LINGO2: variants seen among roughly 807,000 people sequenced by gnomAD.
The protein encoded by LINGO2 is leucine-rich repeat and immunoglobulin-like domain-containing nogo receptor-interacting protein 2.
LINGO2 carries 14 observed loss-of-function variants against 30.6 expected under a neutral mutation model. The ratio of observed to expected loss-of-function variants is 0.46; its 90% CI spans 0.30 to 0.72. LINGO2 has a LOEUF of 0.72. Among genes scored for constraint, LINGO2 ranks in the 30% least tolerant of loss-of-function variants. The probability of loss-of-function intolerance (pLI) is 0.07; values close to 1 mark genes in which losing one functional copy is unlikely to be tolerated. For missense variants in LINGO2, 729 were observed against 751.7 expected (o/e 0.97, Z 0.35); for synonymous variants, 317 against 288.5 (o/e 1.10, Z -1.00).
chr9:28,327,180 G>A (rs1002943218), intron 3 of LINGO2, among the ~76,000 whole-genome samples: 3 of 152,086 alleles, frequency 2.0e-5, no homozygotes, highest in African/African-American at 4.8e-5. Context: ...CACTCATTCT[G>A]CTGCTGCCTT....
intron 4 of LINGO2, among the ~76,000 whole-genome samples, chr9:28,264,593 T>C (rs1356115426): frequency 1.3e-5 from 2 of 151,878 alleles, no homozygotes; most frequent in Non-Finnish European, 2.9e-5. Context: ...CCGAATCATC[T>C]CACACTGAAG....
intron 4 of LINGO2, among the ~76,000 whole-genome samples, chr9:28,259,506 C>A (rs1439999692): frequency 1.3e-5 from 2 of 151,328 alleles, no homozygotes; most frequent in African/African-American, 4.9e-5. Flanking sequence ...GTGAGCCATA[C>A]AAGGTCTATG....
intron 4 of LINGO2, among the ~76,000 whole-genome samples, chr9:28,156,544 C>T (rs1182901933): frequency 6.6e-6 from 1 of 152,158 alleles, no homozygotes; most frequent in Non-Finnish European, 1.5e-5. Flanking sequence ...TCTCTAAAAT[C>T]TCAGGTAGAT....
At chr9:28,837,649 A>AATAT in the LINGO2 span, among the ~76,000 whole-genome samples, 693 of 75,776 alleles carry the variant, frequency 9.1e-3, 96 homozygotes, top group African/African-American at 0.028. Flanking sequence ...CTCCGTCTAA[A>AATAT]ATATATATAT....
At chr9:28,361,173 A>C (rs1206522612) in intron 3 of LINGO2, among the ~76,000 whole-genome samples, 2 of 152,180 alleles carry the variant, frequency 1.3e-5, no homozygotes. Flanking sequence ...TGCTGAGGTA[A>C]AGCAGTTCTT....
chr9:28,257,429 G>C (rs140930347), intron 4 of LINGO2, among the ~76,000 whole-genome samples: 1 of 151,966 alleles, frequency 6.6e-6, no homozygotes, highest in Non-Finnish European at 1.5e-5. Flanking sequence ...AGGACTCTTT[G>C]TGATTTAAAA....
intron 4 of LINGO2, among the ~76,000 whole-genome samples, chr9:28,090,861 CAA>C (rs1403986465): frequency 6.6e-6 from 1 of 152,180 alleles, no homozygotes; most frequent in African/African-American, 2.4e-5. Context: ...GCAACTTCAG[CAA>C]AGTCTCAGGA....
Position 28,637,433 on chromosome 9 carries a change from T to A in LINGO2, c.-365+32767A>T, listed in dbSNP as rs772870398. 3.2e-4 allele frequency among the ~76,000 whole-genome samples: 48 copies of A among 152,298 alleles called. 1 individual carries two copies. The highest frequency in any genetic ancestry group is 3.4e-3 in the Middle Eastern group (1 of 294). ...GGGAAGTATGGCCATTTTCATGATATTAATTCTTCCTATCCATGAGCATGG... is the reference window on the plus strand; with the variant it reads ...GGGAAGTATGGCCATTTTCATGATAATAATTCTTCCTATCCATGAGCATGG... On this transcript the variant is annotated intron_variant, in intron 1 of 5. Transcript: ENST00000379992.
intron 1 of LINGO2, among the ~76,000 whole-genome samples, chr9:28,574,089 A>G (rs1265243577): frequency 6.6e-6 from 1 of 152,204 alleles, no homozygotes; most frequent in African/African-American, 2.4e-5. Context: ...CAAATCAGAC[A>G]TCGAAAGAAT....
At chr9:28,415,111 A>G (rs540432300) in intron 2 of LINGO2, among the ~76,000 whole-genome samples, 1 of 152,280 alleles carries the variant, frequency 6.6e-6, no homozygotes, top group South Asian at 2.1e-4. Flanking sequence ...GAATAGAAGG[A>G]CATGCACCAA....
chr9:29,091,828 G>A, the LINGO2 span, among the ~76,000 whole-genome samples: 1 of 151,908 alleles, frequency 6.6e-6, no homozygotes, highest in Non-Finnish European at 1.5e-5. Flanking sequence ...AGTTGTATTA[G>A]GCCCCATAGA....
intron 1 of LINGO2, among the ~76,000 whole-genome samples, chr9:28,505,587 C>A (rs1820075877): frequency 6.6e-6 from 1 of 151,804 alleles, no homozygotes; most frequent in African/African-American, 2.4e-5. Flanking sequence ...GATTATAAAT[C>A]ATAAATGGAT....
At chr9:28,613,451 C>T (rs1412967658) in intron 1 of LINGO2, among the ~76,000 whole-genome samples, 1 of 150,070 alleles carries the variant, frequency 6.7e-6, no homozygotes, top group Admixed American at 6.7e-5. Flanking sequence ...CTATATATAC[C>T]CATATGATAT....
chr9:28,753,176 T>C, the LINGO2 span, among the ~76,000 whole-genome samples: 1 of 152,028 alleles, frequency 6.6e-6, no homozygotes, highest in Non-Finnish European at 1.5e-5. Context: ...TCTACACTTA[T>C]ACTCCAGGAG....
the LINGO2 span, among the ~76,000 whole-genome samples, chr9:28,936,541 G>A: frequency 6.6e-6 from 1 of 152,168 alleles, no homozygotes; most frequent in Non-Finnish European, 1.5e-5. Context: ...GCTCTTTGTG[G>A]AGAGTCACAT....
chr9:28,574,119 A>C (rs970448059), intron 1 of LINGO2, among the ~76,000 whole-genome samples: 8 of 152,314 alleles, frequency 5.3e-5, no homozygotes, highest in African/African-American at 1.9e-4. Context: ...CTTTCACTAC[A>C]GACTTCTAAG....
the LINGO2 span, among the ~76,000 whole-genome samples, chr9:29,112,229 T>A: frequency 7.0e-6 from 1 of 143,700 alleles, no homozygotes; most frequent in East Asian, 1.9e-4. Flanking sequence ...ATTAAGAAGC[T>A]TGAGCATGCT....
At chr9:28,062,584 T>C (rs1447825871) in intron 4 of LINGO2, among the ~76,000 whole-genome samples, 1 of 143,418 alleles carries the variant, frequency 7.0e-6, no homozygotes, top group African/African-American at 2.6e-5. Flanking sequence ...CACAATCAAA[T>C]ATATATATTT....
the LINGO2 span, among the ~76,000 whole-genome samples, chr9:29,176,359 A>G: frequency 6.6e-6 from 1 of 152,202 alleles, no homozygotes. Flanking sequence ...AATACCCGAA[A>G]CATAGCTAGT....
Sources: allele counts gnomAD v4.1 joint callset (sites outside exome capture counted in the v4.1 genomes callset), GRCh38; gene constraint gnomAD v4.1.1; transcripts MANE v1.5; gene names NCBI Gene and HGNC (gene_info 2026-07-23, HGNC 2026-07-21).